The following INSL6 variants were observed in gnomAD, a reference collection of about 807,000 sequenced individuals.
INSL6 encodes insulin-like peptide INSL6.
INSL6 carries 16 observed loss-of-function variants against 9.4 expected under a neutral mutation model. The observed-to-expected ratio is 1.70, with a 90% CI of 1.15 to 2.59. The LOEUF is 2.59. Among genes scored for constraint, INSL6 ranks in the 30% most tolerant of loss-of-function variants. INSL6 has a pLI of 0.00. For missense variants in INSL6, 391 were observed against 257.3 expected (o/e 1.52, Z -3.56); for synonymous variants, 154 against 96.9 (o/e 1.59, Z -3.46).
chr9:5,009,775 ATT>A, the INSL6 span, among the ~76,000 whole-genome samples: 106 of 146,356 alleles, frequency 7.2e-4, 1 homozygote, highest in Admixed American at 1.5e-3. Context: ...TTCAGTTAAA[ATT>A]TTTTTTTTTT....
the INSL6 span, among the ~76,000 whole-genome samples, chr9:5,115,849 T>G: frequency 6.6e-6 from 1 of 151,760 alleles, no homozygotes; most frequent in East Asian, 1.9e-4. Flanking sequence ...TAAGTGGGAG[T>G]TGAACAATGA....
the INSL6 span, among the ~76,000 whole-genome samples, chr9:5,005,999 A>C: frequency 2.6e-5 from 4 of 152,038 alleles, no homozygotes; most frequent in Non-Finnish European, 5.9e-5. Flanking sequence ...TTCCATATGA[A>C]CTTTAAAGTA....
At chr9:5,110,403 A>T in the INSL6 span, 1 of 152,322 alleles carries the variant, frequency 6.6e-6, no homozygotes. Flanking sequence ...GGGCCTTACG[A>T]TAGTCACAAT....
At chr9:5,171,236 C>A (rs182174417) in intron 1 of INSL6, among the ~76,000 whole-genome samples, 2 of 152,214 alleles carry the variant, frequency 1.3e-5, no homozygotes, top group East Asian at 3.9e-4. Context: ...AAGACAAAAA[C>A]CACAAGATTA....
chr9:5,090,447 T>G, the INSL6 span: 1 of 1,546,824 alleles, frequency 6.5e-7, no homozygotes, highest in Non-Finnish European at 8.7e-7. Context: ...TGTTAAAAGG[T>G]CGGCGTAATC....
chr9:5,064,953 C>G, the INSL6 span: 1 of 1,605,350 alleles, frequency 6.2e-7, no homozygotes, highest in East Asian at 2.2e-5. Flanking sequence ...TATAGATTAA[C>G]TGCAGATGCA....
the INSL6 span, among the ~76,000 whole-genome samples, chr9:5,011,907 G>A: frequency 1.1e-4 from 16 of 152,128 alleles, no homozygotes; most frequent in Admixed American, 5.2e-4. Flanking sequence ...CTTTTCTGGC[G>A]TTTCAGTGGA....
chr9:5,028,153 T>C, the INSL6 span, among the ~76,000 whole-genome samples: 1 of 152,220 alleles, frequency 6.6e-6, no homozygotes, highest in African/African-American at 2.4e-5. Context: ...TAATAAGATT[T>C]GAAAGTCAAA....
chr9:5,173,920 G>A, intron 1 of INSL6, among the ~76,000 whole-genome samples: 1 of 152,116 alleles, frequency 6.6e-6, no homozygotes, highest in East Asian at 1.9e-4. Flanking sequence ...GGAGAAAATT[G>A]ATGCAATCTG....
chr9:5,049,400 T>A, the INSL6 span, among the ~76,000 whole-genome samples: 1 of 152,240 alleles, frequency 6.6e-6, no homozygotes, highest in East Asian at 1.9e-4. Context: ...CATCTGAACA[T>A]ATCTGGTGCT....
At chr9:5,068,104 G>A in the INSL6 span, among the ~76,000 whole-genome samples, 1 of 151,092 alleles carries the variant, frequency 6.6e-6, no homozygotes. Flanking sequence ...AGGTTGCAGT[G>A]AGTCAAGATT....
At chr9:5,068,179 A>C in the INSL6 span, among the ~76,000 whole-genome samples, 364 of 150,086 alleles carry the variant, frequency 2.4e-3, 1 homozygote, top group Non-Finnish European at 3.7e-3. Flanking sequence ...AACAACAAAA[A>C]AAAAAAAAAA....
intron 2 of INSL6, among the ~76,000 whole-genome samples, chr9:5,154,738 T>C (rs568132270): frequency 6.6e-6 from 1 of 152,304 alleles, no homozygotes; most frequent in Admixed American, 6.5e-5. Context: ...TCATCACCAC[T>C]GGCCATCAGA....
chr9:5,069,770 T>C, the INSL6 span, among the ~76,000 whole-genome samples: 1 of 152,082 alleles, frequency 6.6e-6, no homozygotes, highest in Non-Finnish European at 1.5e-5. Flanking sequence ...GTTCAATGAG[T>C]TGACCCCTAA....
the INSL6 span, among the ~76,000 whole-genome samples, chr9:5,093,245 A>T: frequency 6.6e-6 from 1 of 152,192 alleles, no homozygotes; most frequent in Non-Finnish European, 1.5e-5. Context: ...AAATATTACA[A>T]AAAGTAAAAG....
At chr9:5,048,730 CT>C in the INSL6 span, among the ~76,000 whole-genome samples, 11 of 152,034 alleles carry the variant, frequency 7.2e-5, no homozygotes, top group African/African-American at 2.7e-4. Flanking sequence ...AGCAAATATA[CT>C]TTTAAATATG....
the INSL6 span, among the ~76,000 whole-genome samples, chr9:5,067,919 C>G: frequency 1.2e-4 from 18 of 151,946 alleles, no homozygotes; most frequent in Admixed American, 3.3e-4. Context: ...TTTAGGAGGC[C>G]AAGGCGGGTG....
the INSL6 span, chr9:5,111,282 T>G: frequency 2.1e-6 from 1 of 481,266 alleles, no homozygotes; most frequent in Non-Finnish European, 4.0e-6. Context: ...TCAGGCTGGC[T>G]TCCTGCCGGG....
chr9:5,054,554 T>TA, the INSL6 span: 1 of 1,548,206 alleles, frequency 6.5e-7, no homozygotes, highest in African/African-American at 1.4e-5. The surrounding 1 kb of genome is among the most constrained non-coding windows in gnomAD (Gnocchi z 4.9). Flanking sequence ...TGTGCTTTTT[T>TA]ATCCCTAGCT....
Sources: allele counts gnomAD v4.1 joint callset (sites outside exome capture counted in the v4.1 genomes callset), GRCh38; gene constraint gnomAD v4.1.1; non-coding constraint Gnocchi (gnomAD v3.1); transcripts MANE v1.5; gene names NCBI Gene and HGNC (gene_info 2026-07-23, HGNC 2026-07-21).